Variants in ACKR2 observed in about 807,000 individuals in gnomAD.
The protein encoded by ACKR2 is atypical chemokine receptor 2, also known as C-C chemokine receptor D6.
For synonymous variants in ACKR2, 207 were observed against 192.2 expected, an observed-to-expected ratio of 1.08 and a Z score of -0.64; for missense variants, 457 against 477.3, an observed-to-expected ratio of 0.96 and a Z score of 0.40.
At chr3:42,856,530 T>A in intron 2 of ACKR2, 3 of 628,302 alleles carry the variant, frequency 4.8e-6, no homozygotes, top group Admixed American at 2.6e-5. Flanking sequence ...TTGCAATACA[T>A]ATGAAAAAAG....
intron 2 of ACKR2, among the ~76,000 whole-genome samples, chr3:42,863,009 G>A (rs547143031): frequency 6.6e-6 from 1 of 152,106 alleles, no homozygotes; most frequent in Non-Finnish European, 1.5e-5. Context: ...TTGACAAATG[G>A]GATCTAATTA....
intron 2 of ACKR2, among the ~76,000 whole-genome samples, chr3:42,841,980 C>G (rs1032061909): frequency 6.6e-5 from 10 of 152,170 alleles, no homozygotes; most frequent in Non-Finnish European, 1.3e-4. Context: ...TTGGGCAAGT[C>G]TTCCTGATCT....
chr3:42,829,104 A>G (rs2125607816), intron 2 of ACKR2, among the ~76,000 whole-genome samples: 1 of 152,258 alleles, frequency 6.6e-6, no homozygotes, highest in African/African-American at 2.4e-5. Context: ...AGAATGGGCG[A>G]TCTTTGGATG....
chr3:42,865,306 C>T lies in ACKR2; in HGVS notation c.804C>T (p.Leu268=). ...AFFVLWFPYN[L]TLFLHTLLDL... ...TCGTGCTATGGTTCCCATACAATCT[C>T]ACCTTGTTTCTGCATACGCTGTTGG... Residue 268 remains leucine (L), a synonymous_variant, in exon 3 of 3, where the codon CTC becomes CTT. Transcript: ENST00000422265. 3 of 1,614,220 alleles carry T rather than the reference C, an allele frequency of 1.9e-6. No homozygotes were observed. The highest frequency in any genetic ancestry group is 1.7e-5 in the Admixed American group (1 of 60,030).
intron 2 of ACKR2, among the ~76,000 whole-genome samples, chr3:42,840,436 G>A (rs1185983678): frequency 6.6e-6 from 1 of 152,102 alleles, no homozygotes; most frequent in Non-Finnish European, 1.5e-5. Flanking sequence ...CCCAGCTGAG[G>A]GCTCCACTAT....
intron 2 of ACKR2, among the ~76,000 whole-genome samples, chr3:42,862,305 G>A (rs1046778877): frequency 6.6e-6 from 1 of 152,178 alleles, no homozygotes; most frequent in Non-Finnish European, 1.5e-5. Flanking sequence ...ACTTACAAGG[G>A]ATGTGAAGAA....
At chr3:42,833,160 G>A (rs1362776471) in intron 2 of ACKR2, among the ~76,000 whole-genome samples, 1 of 152,058 alleles carries the variant, frequency 6.6e-6, no homozygotes, top group African/African-American at 2.4e-5. Context: ...TACTGTGCTT[G>A]GGTTAATTTA....
At chr3:42,862,498 T>C (rs1287290610) in intron 2 of ACKR2, among the ~76,000 whole-genome samples, 1 of 152,150 alleles carries the variant, frequency 6.6e-6, no homozygotes, top group Non-Finnish European at 1.5e-5. Context: ...TTCACAGACT[T>C]AGAAAAAACT....
chr3:42,815,815 C>G (rs573331319), intron 1 of ACKR2, among the ~76,000 whole-genome samples: 2 of 152,136 alleles, frequency 1.3e-5, no homozygotes, highest in Non-Finnish European at 2.9e-5. Flanking sequence ...AGGGAGGTAC[C>G]TGGTTCATTC....
At chr3:42,815,208 G>A (rs1559682797) in intron 1 of ACKR2, among the ~76,000 whole-genome samples, 1 of 152,198 alleles carries the variant, frequency 6.6e-6, no homozygotes, top group Non-Finnish European at 1.5e-5. Context: ...ATTAGAAAGG[G>A]AGTGTCAGCC....
chr3:42,862,569 A>G (rs1484960858), intron 2 of ACKR2, among the ~76,000 whole-genome samples: 1 of 152,224 alleles, frequency 6.6e-6, no homozygotes, highest in Non-Finnish European at 1.5e-5. Context: ...CTAAGCAAAA[A>G]GAAAAAAGCT....
intron 2 of ACKR2, among the ~76,000 whole-genome samples, chr3:42,821,067 G>A (rs536191337): frequency 6.6e-6 from 1 of 152,090 alleles, no homozygotes; most frequent in South Asian, 2.1e-4. Flanking sequence ...TAAATTTTTA[G>A]TAGAGACGAG....
intron 2 of ACKR2, among the ~76,000 whole-genome samples, chr3:42,862,219 AACAG>A (rs1285911332): frequency 2.0e-5 from 3 of 152,086 alleles, no homozygotes; most frequent in Middle Eastern, 3.2e-3. Flanking sequence ...ATACAACAGT[AACAG>A]ACAGAGAGCT....
At chr3:42,847,535 T>A (rs1320203233) in intron 2 of ACKR2, among the ~76,000 whole-genome samples, 1 of 152,198 alleles carries the variant, frequency 6.6e-6, no homozygotes, top group Admixed American at 6.5e-5. Flanking sequence ...AGAGAAGGAC[T>A]GGACTGACTC....
intron 1 of ACKR2, among the ~76,000 whole-genome samples, chr3:42,815,739 C>A (rs1224720393): frequency 6.6e-6 from 1 of 152,214 alleles, no homozygotes; most frequent in African/African-American, 2.4e-5. Context: ...TCATATCCGA[C>A]CATGTTCTGC....
chr3:42,813,485 A>G (rs1700715227), intron 1 of ACKR2, among the ~76,000 whole-genome samples: 1 of 152,220 alleles, frequency 6.6e-6, no homozygotes, highest in Admixed American at 6.5e-5. Context: ...AAGGGGAAGC[A>G]AACCTGTCTT....
At chr3:42,822,494 C>T (rs1015640885) in intron 2 of ACKR2, among the ~76,000 whole-genome samples, 1 of 152,134 alleles carries the variant, frequency 6.6e-6, no homozygotes, top group African/African-American at 2.4e-5. Context: ...GCTTTGTATT[C>T]TGTGTAGCCT....
intron 1 of ACKR2, among the ~76,000 whole-genome samples, chr3:42,811,042 G>T (rs935520029): frequency 2.0e-5 from 3 of 152,176 alleles, no homozygotes; most frequent in Non-Finnish European, 4.4e-5. Context: ...TAGAGATGGG[G>T]TTTCACCATG....
chr3:42,826,927 A>T (rs1291855710), intron 2 of ACKR2, among the ~76,000 whole-genome samples: 1 of 151,958 alleles, frequency 6.6e-6, no homozygotes, highest in African/African-American at 2.4e-5. Flanking sequence ...TTTTGTTTTC[A>T]TTCATCTCAA....
Sources: allele counts gnomAD v4.1 joint callset (sites outside exome capture counted in the v4.1 genomes callset), GRCh38; gene constraint gnomAD v4.1.1; transcripts MANE v1.5; gene names NCBI Gene and HGNC (gene_info 2026-07-23, HGNC 2026-07-21).